LRP1B: variants seen among roughly 807,000 people sequenced by gnomAD.
LRP1B encodes low-density lipoprotein receptor-related protein 1B.
Under a neutral mutation model 556.6 loss-of-function variants are expected in LRP1B, and 217 were observed. The observed-to-expected ratio is 0.39, with a 90% CI of 0.35 to 0.44. LRP1B has a LOEUF of 0.44. Ranked by LOEUF, LRP1B falls within the 20% of genes least tolerant of loss-of-function variation. The pLI is 1.00. For synonymous variants in LRP1B, 2,047 were observed against 1,865.8 expected, an observed-to-expected ratio of 1.10 and a Z score of -2.50; for missense variants, 5,053 against 5,620.8, an observed-to-expected ratio of 0.90 and a Z score of 3.23.
At chr2:140,286,369 A>G (rs991628944) in intron 84 of LRP1B, among the ~76,000 whole-genome samples, 17 of 151,848 alleles carry the variant, frequency 1.1e-4, no homozygotes, top group African/African-American at 3.9e-4. Context: ...TGGAAAGGAA[A>G]ATCACTTGGG....
In LRP1B at chr2:141,936,865, T is replaced by C. The variant is rs541202914; in HGVS notation, c.83-126464A>G. Among the ~76,000 whole-genome samples the C allele has an allele frequency of 1.2e-4, 19 of 152,238 alleles. 1 individual carries two copies. The highest frequency in any genetic ancestry group is 3.4e-3 in the Middle Eastern group (1 of 294). On this transcript the variant is annotated intron_variant, in intron 1 of 90. Transcript: ENST00000389484. ...ATAGTTACATAGCCAACATTCATTA[T>C]ATATTTTCTCCTAGATTTTTAATAA...
At chr2:140,245,885 ACAAATTCTAAGATCAACT>A (rs1488432445) in intron 87 of LRP1B, among the ~76,000 whole-genome samples, 7 of 151,380 alleles carry the variant, frequency 4.6e-5, no homozygotes, top group African/African-American at 1.7e-4. Context: ...AGGAGAGCAC[ACAAATTCTAAGATCAACT>A]CAAAATGTTC....
chr2:140,860,801 C>A (rs1287044736), intron 27 of LRP1B, among the ~76,000 whole-genome samples: 1 of 151,784 alleles, frequency 6.6e-6, no homozygotes, highest in Admixed American at 6.6e-5. Flanking sequence ...ATGAAGAAAA[C>A]ACCTTTGGGC....
At chr2:141,799,592 T>A (rs910928017) in intron 2 of LRP1B, among the ~76,000 whole-genome samples, 1 of 152,026 alleles carries the variant, frequency 6.6e-6, no homozygotes, top group African/African-American at 2.4e-5. Context: ...TCTCGATAAG[T>A]CCCCAGCCTG....
At chr2:140,518,952 A>T (rs1468668980) in intron 49 of LRP1B, among the ~76,000 whole-genome samples, 1 of 152,148 alleles carries the variant, frequency 6.6e-6, no homozygotes, top group Non-Finnish European at 1.5e-5. Context: ...CCTGGCCAGA[A>T]ATAAAAGAGG....
intron 32 of LRP1B, among the ~76,000 whole-genome samples, chr2:140,799,617 T>C (rs1690434688): frequency 6.6e-6 from 1 of 152,218 alleles, no homozygotes; most frequent in Non-Finnish European, 1.5e-5. Flanking sequence ...TGTAGATTTT[T>C]CCCCAGACTT....
chr2:142,044,112 T>A (rs1324589072), intron 1 of LRP1B, among the ~76,000 whole-genome samples: 4 of 151,772 alleles, frequency 2.6e-5, no homozygotes, highest in Non-Finnish European at 5.9e-5. Flanking sequence ...TTAGACTTAA[T>A]TCTTATCACA....
At chr2:140,418,999 C>A (rs953420016) in intron 66 of LRP1B, among the ~76,000 whole-genome samples, 5 of 151,746 alleles carry the variant, frequency 3.3e-5, no homozygotes, top group African/African-American at 1.2e-4. Flanking sequence ...CTGGCTTTGC[C>A]TATGGACTAA....
intron 17 of LRP1B, among the ~76,000 whole-genome samples, chr2:140,988,975 C>T (rs1382270040): frequency 6.6e-6 from 1 of 151,892 alleles, no homozygotes; most frequent in Non-Finnish European, 1.5e-5. Context: ...TGTGTATTTC[C>T]ATTCAATGAG....
intron 43 of LRP1B, among the ~76,000 whole-genome samples, chr2:140,552,449 C>T (rs1180824495): frequency 6.6e-6 from 1 of 152,044 alleles, no homozygotes; most frequent in Non-Finnish European, 1.5e-5. Context: ...AAATTTAGTC[C>T]ATAATTATGC....
In LRP1B at chr2:140,645,313, T is replaced by A. The variant is rs560181805; in HGVS notation, c.6800-43674A>T. On this transcript the variant is annotated intron_variant, in intron 41 of 90. Coordinates refer to ENST00000389484, the MANE Select transcript of LRP1B (RefSeq NM_018557.3). ...ATTATATATGAATATGTAAGAAGAA[T>A]CCTGTCACTTTTACTTAATTATAGC... Among the ~76,000 whole-genome samples the A allele has an allele frequency of 3.3e-5, 5 of 152,182 alleles. No individual in the cohort carries two copies. The East Asian group carries it at 9.6e-4, about 29-fold the overall frequency.
At chr2:140,758,408 T>G (rs2104909877) in intron 35 of LRP1B, among the ~76,000 whole-genome samples, 1 of 152,166 alleles carries the variant, frequency 6.6e-6, no homozygotes, top group South Asian at 2.1e-4. Context: ...TATTGGTGAT[T>G]TTTATTTCAA....
chr2:140,949,414 G>C (rs776552764), intron 20 of LRP1B, among the ~76,000 whole-genome samples: 1 of 151,990 alleles, frequency 6.6e-6, no homozygotes, highest in African/African-American at 2.4e-5. Context: ...CGAATGACAG[G>C]GTTATCATCC....
intron 6 of LRP1B, among the ~76,000 whole-genome samples, chr2:141,194,895 CTTTAA>C (rs1295894179): frequency 1.6e-4 from 25 of 152,090 alleles, no homozygotes; most frequent in Admixed American, 1.2e-3. Context: ...AAAGACTGCC[CTTTAA>C]TTTATATCTT....
At chr2:141,661,082 G>A (rs6733033) in intron 2 of LRP1B, among the ~76,000 whole-genome samples, 61,556 of 151,952 alleles carry the variant, frequency 0.41, 12,889 homozygotes, top group Middle Eastern at 0.47. Context: ...CAGCCCGATG[G>A]AAGAGGGACC....
At chr2:141,167,338 T>C (rs1680314140) in intron 7 of LRP1B, 1 of 151,912 alleles carries the variant, frequency 6.6e-6, no homozygotes, top group Admixed American at 6.6e-5. Context: ...TTTTAGTATA[T>C]ATGTGGCTGA....
chr2:141,421,806 TTCTC>T (rs1179193136), intron 3 of LRP1B, among the ~76,000 whole-genome samples: 1 of 152,168 alleles, frequency 6.6e-6, no homozygotes, highest in Non-Finnish European at 1.5e-5. Context: ...GGCAGACTCT[TTCTC>T]TATCTCTGAA....
rs118152442 is a variant in LRP1B, at chr2:141,863,403, G to A, written c.83-53002C>T. Among the ~76,000 whole-genome samples the A allele has an allele frequency of 3.2e-3, 482 of 152,188 alleles. 16 individuals are homozygous for A. The East Asian group carries it at 0.08, about 25-fold the overall frequency. ...GATCAGGCAAAAATAAAGTCTGGTCGGGAGAATGCCAAAGGAAATTCTTTA... is the reference window on the plus strand; with the variant it reads ...GATCAGGCAAAAATAAAGTCTGGTCAGGAGAATGCCAAAGGAAATTCTTTA... On this transcript the variant is annotated intron_variant, in intron 1 of 90. Coordinates refer to ENST00000389484, the MANE Select transcript of LRP1B (RefSeq NM_018557.3).
At chr2:140,873,811 A>C (rs1693215040) in intron 25 of LRP1B, among the ~76,000 whole-genome samples, 1 of 151,972 alleles carries the variant, frequency 6.6e-6, no homozygotes, top group Admixed American at 6.6e-5. Flanking sequence ...TTTCAAAAAA[A>C]GTATGTCCTT....
Sources: allele counts gnomAD v4.1 joint callset (sites outside exome capture counted in the v4.1 genomes callset), GRCh38; gene constraint gnomAD v4.1.1; transcripts MANE v1.5; gene names NCBI Gene and HGNC (gene_info 2026-07-23, HGNC 2026-07-21).